Variants in ANK3 observed in about 807,000 individuals in gnomAD.
ANK3 encodes ankyrin 3.
ANK3 carries 57 observed loss-of-function variants against 370.9 expected under a neutral mutation model. That is an observed-to-expected ratio of 0.15 (90% CI 0.12 to 0.19). The LOEUF (loss-of-function observed/expected upper bound fraction) is 0.19. Among genes scored for constraint, ANK3 ranks in the 10% least tolerant of loss-of-function variants. The pLI is 1.00. For synonymous variants in ANK3, 1,929 were observed against 1,946.3 expected (o/e 0.99, Z 0.23); for missense variants, 4,439 against 5,302.1 (o/e 0.84, Z 5.06).
At chr10:60,227,750 A>G (rs1054708426) in intron 8 of ANK3, among the ~76,000 whole-genome samples, 5 of 151,862 alleles carry the variant, frequency 3.3e-5, no homozygotes, top group African/African-American at 1.2e-4. Flanking sequence ...GTGTTTTTCA[A>G]TCTTAGGATT....
chr10:60,542,935 C>T (rs2076882356), intron 2 of ANK3, among the ~76,000 whole-genome samples: 1 of 151,914 alleles, frequency 6.6e-6, no homozygotes. Flanking sequence ...CCTACATACC[C>T]AACATGATTC....
chr10:60,166,447 C>A, intron 23 of ANK3, 144 bp downstream of exon 23: 1 of 662,102 alleles, frequency 1.5e-6, no homozygotes, highest in South Asian at 2.1e-5. Flanking sequence ...ACCAGATATA[C>A]ATTATTTAAA....
At chr10:60,486,054 G>A (rs781461064) in intron 2 of ANK3, among the ~76,000 whole-genome samples, 6 of 152,078 alleles carry the variant, frequency 3.9e-5, no homozygotes, top group Non-Finnish European at 5.9e-5. Context: ...AGAATGGAAC[G>A]TCATGTTTCA....
intron 2 of ANK3, among the ~76,000 whole-genome samples, chr10:60,541,496 T>C (rs892949379): frequency 5.3e-5 from 8 of 152,016 alleles, no homozygotes; most frequent in Non-Finnish European, 1.0e-4. Flanking sequence ...TCTGCAATAC[T>C]GTAAAGAAAG....
chr10:60,717,232 T>C (rs1213323427), intron 1 of ANK3, among the ~76,000 whole-genome samples: 1 of 152,162 alleles, frequency 6.6e-6, no homozygotes, highest in East Asian at 1.9e-4. Context: ...TAAATTGGTA[T>C]AACCTATTAG....
Position 60,071,960 on chromosome 10 carries a change from T to A in ANK3, c.8921A>T (p.Asn2974Ile), listed in dbSNP as rs763047751. 1.1e-5 allele frequency: 17 copies of A among 1,613,962 alleles called. No individual in the cohort carries two copies. The highest frequency in any genetic ancestry group is 3.3e-5 in the Admixed American group (2 of 59,974). The change falls in exon 37 of 44, where the codon AAT becomes ATT. Residue 2974 changes from asparagine to isoleucine, a missense_variant. Around this residue, in one of 13 missense-constraint regions of ANK3, gnomAD observed 1,601 missense variants for 1,731.7 expected, o/e 0.92. Coordinates refer to ENST00000280772, the MANE Select transcript of ANK3 (RefSeq NM_020987.5). ...VADERRMLSS[N>I]IPDGFCEQSA... ...CTGTTCACAAAAACCATCGGGAATA[T>A]TAGAAGACAGCATTCTCCTCTCATC...
chr10:60,481,703 A>G (rs1290665304), intron 2 of ANK3, among the ~76,000 whole-genome samples: 1 of 152,136 alleles, frequency 6.6e-6, no homozygotes, highest in African/African-American at 2.4e-5. Context: ...ACCTCAGGTG[A>G]TCTGCCTGCC....
chr10:60,414,124 G>T (rs2132936376), intron 2 of ANK3, among the ~76,000 whole-genome samples: 1 of 152,242 alleles, frequency 6.6e-6, no homozygotes, highest in East Asian at 1.9e-4. Flanking sequence ...TAAGACATTT[G>T]TGATTTGAAA....
intron 1 of ANK3, among the ~76,000 whole-genome samples, chr10:60,330,224 G>A (rs182286771): frequency 7.2e-5 from 11 of 152,270 alleles, no homozygotes; most frequent in Admixed American, 3.3e-4. Flanking sequence ...ACATAGGCAT[G>A]GGCGAAGACT....
intron 1 of ANK3, among the ~76,000 whole-genome samples, chr10:60,616,912 TA>T (rs1038737325): frequency 2.8e-4 from 42 of 152,306 alleles, no homozygotes; most frequent in Non-Finnish European, 5.1e-4. Context: ...ATGTACTTTT[TA>T]TTCGAGTTAT....
intron 2 of ANK3, among the ~76,000 whole-genome samples, chr10:60,411,286 T>A (rs1209476518): frequency 6.6e-6 from 1 of 152,220 alleles, no homozygotes; most frequent in Non-Finnish European, 1.5e-5. Context: ...GAGGTAAATA[T>A]CTTTCAGAAT....
At chr10:60,610,635 T>C (rs1175898116) in intron 2 of ANK3, among the ~76,000 whole-genome samples, 1 of 143,662 alleles carries the variant, frequency 7.0e-6, no homozygotes, top group East Asian at 2.1e-4. Flanking sequence ...GAGATCACTG[T>C]CATATTTTTA....
At chr10:60,589,334 T>G (rs2133290398) in intron 2 of ANK3, among the ~76,000 whole-genome samples, 1 of 152,312 alleles carries the variant, frequency 6.6e-6, no homozygotes, top group Middle Eastern at 3.4e-3. Flanking sequence ...GATAAAAAGT[T>G]TAGGCAAAAT....
At chr10:60,174,608 A>G (rs1232925257) in intron 18 of ANK3, among the ~76,000 whole-genome samples, 2 of 152,224 alleles carry the variant, frequency 1.3e-5, no homozygotes, top group African/African-American at 4.8e-5. Context: ...CGTGGACCCA[A>G]TATTTTTTAA....
rs766102034 is a variant in ANK3 at position 60,073,076 on chromosome 10, A to T, written c.7805T>A (p.Leu2602Gln). 1.9e-6 allele frequency: 3 copies of T among 1,614,132 alleles called. No individual in the cohort carries two copies. In the Admixed American group the frequency reaches 5.0e-5, roughly 27 times the overall value. ...SQFFRDKTEK[L>Q]NDELQSPEKK... ...CTCTGGGGACTGCAGTTCATCATTTAGCTTTTCAGTTTTGTCACGAAAAAA... is the reference window on the plus strand; with the variant it reads ...CTCTGGGGACTGCAGTTCATCATTTTGCTTTTCAGTTTTGTCACGAAAAAA... Residue 2602 changes from leucine (L) to glutamine (Q), a missense_variant, in exon 37 of 44, where the codon CTA becomes CAA. This residue lies in a region of ANK3 where 1,601 missense variants were observed against 1,731.7 expected (regional missense o/e 0.92). Coordinates refer to ENST00000280772, the MANE Select transcript of ANK3 (RefSeq NM_020987.5).
chr10:60,204,299 C>T (rs2096727957), intron 11 of ANK3, among the ~76,000 whole-genome samples: 1 of 152,142 alleles, frequency 6.6e-6, no homozygotes, highest in African/African-American at 2.4e-5. Context: ...TCTTAGGGAA[C>T]AGAGAGCTGG....
chr10:60,334,660 A>C (rs1199956773), intron 1 of ANK3, among the ~76,000 whole-genome samples: 2 of 152,168 alleles, frequency 1.3e-5, no homozygotes, highest in Non-Finnish European at 2.9e-5. Context: ...TGGATTTCTG[A>C]AGTCTTTTAT....
At chr10:60,505,044 A>C (rs570796511) in intron 2 of ANK3, among the ~76,000 whole-genome samples, 1 of 152,294 alleles carries the variant, frequency 6.6e-6, no homozygotes, top group African/African-American at 2.4e-5. Flanking sequence ...TATATGAAGC[A>C]TTTAAAAGCA....
At chr10:60,079,210 CA>C (rs1324913485) in intron 36 of ANK3, among the ~76,000 whole-genome samples, 9 of 151,284 alleles carry the variant, frequency 5.9e-5, no homozygotes, top group African/African-American at 1.9e-4. Context: ...CACACACACA[CA>C]CACACACACA....
Sources: gnomAD v4.1 joint callset for allele counts (sites outside exome capture counted in the v4.1 genomes callset) on GRCh38, gnomAD v4.1.1 for gene constraint, gnomAD v4.1.1 regional missense constraint, MANE v1.5 for transcripts, NCBI Gene and HGNC (gene_info 2026-07-23, HGNC 2026-07-21) for gene names.